Variants in MSI2 observed in about 807,000 individuals in gnomAD.
MSI2 encodes RNA-binding protein Musashi homolog 2.
A neutral mutation model predicts 45.6 loss-of-function variants in MSI2; 17 were observed. The ratio of observed to expected loss-of-function variants is 0.37; its 90% CI spans 0.26 to 0.56. MSI2 has a LOEUF of 0.56. Among genes scored for constraint, MSI2 ranks in the 20% least tolerant of loss-of-function variants. The pLI, the probability that MSI2 is intolerant of heterozygous loss-of-function variation, is 0.77. For missense variants in MSI2, 293 were observed against 444.2 expected, an observed-to-expected ratio of 0.66 and a Z score of 3.06; for synonymous variants, 156 against 158.2, an observed-to-expected ratio of 0.99 and a Z score of 0.11.
chr17:57,632,284 A>G (rs1264494761), intron 10 of MSI2: 1 of 1,078,448 alleles, frequency 9.3e-7, no homozygotes, highest in African/African-American at 1.6e-5. Context: ...GTGTCTTACG[A>G]TGGACAGTGA....
intron 7 of MSI2, among the ~76,000 whole-genome samples, chr17:57,545,110 G>C (rs2087133617): frequency 6.6e-6 from 1 of 152,098 alleles, no homozygotes; most frequent in African/African-American, 2.4e-5. Context: ...TTTAGAGAAA[G>C]GAAAGATTTT....
chr17:57,325,629 C>T (rs971960182), intron 5 of MSI2, among the ~76,000 whole-genome samples: 3 of 152,180 alleles, frequency 2.0e-5, no homozygotes, highest in Non-Finnish European at 4.4e-5. Context: ...CTCTTTTTTA[C>T]CCCCTTTGCT....
intron 9 of MSI2, among the ~76,000 whole-genome samples, chr17:57,619,440 C>T (rs1168160906): frequency 3.3e-5 from 5 of 152,228 alleles, no homozygotes; most frequent in Admixed American, 6.5e-5. Flanking sequence ...TTGGAGAGCA[C>T]GTCATGAGGA....
At chr17:57,359,766 T>G (rs1454115886) in intron 5 of MSI2, among the ~76,000 whole-genome samples, 5 of 152,232 alleles carry the variant, frequency 3.3e-5, no homozygotes, top group Non-Finnish European at 4.4e-5. Context: ...CACTACCATT[T>G]CCTTTATGGT....
intron 6 of MSI2, among the ~76,000 whole-genome samples, chr17:57,483,999 G>A (rs2085701664): frequency 6.6e-6 from 1 of 152,186 alleles, no homozygotes; most frequent in Admixed American, 6.5e-5. Context: ...GGGTGGGTTT[G>A]GAACCGAGAG....
chr17:57,343,848 G>T (rs905093414), intron 5 of MSI2, among the ~76,000 whole-genome samples: 5 of 152,126 alleles, frequency 3.3e-5, no homozygotes, highest in Non-Finnish European at 7.3e-5. Flanking sequence ...TTTCCCAATA[G>T]AACATTCTTG....
At chr17:57,517,132 G>A (rs1260732490) in intron 6 of MSI2, among the ~76,000 whole-genome samples, 5 of 152,182 alleles carry the variant, frequency 3.3e-5, no homozygotes, top group South Asian at 4.1e-4. Context: ...AAAAACAGTC[G>A]GTAGTTCAGA....
chr17:57,311,030 G>A (rs1912358143), intron 5 of MSI2, among the ~76,000 whole-genome samples: 1 of 152,210 alleles, frequency 6.6e-6, no homozygotes, highest in Admixed American at 6.5e-5. Context: ...AGGATCTGAT[G>A]GGTTTCTCTG....
chr17:57,566,655 A>T (rs1210194931), intron 7 of MSI2, among the ~76,000 whole-genome samples: 2 of 152,196 alleles, frequency 1.3e-5, no homozygotes, highest in Non-Finnish European at 2.9e-5. Flanking sequence ...ACGTGGTTTT[A>T]TTCACTCAGT....
chr17:57,641,587 A>G (rs950157937), intron 10 of MSI2, among the ~76,000 whole-genome samples: 4 of 152,216 alleles, frequency 2.6e-5, no homozygotes, highest in East Asian at 1.9e-4. Context: ...GGAAGGATCA[A>G]TGGTCAGAAC....
intron 5 of MSI2, among the ~76,000 whole-genome samples, chr17:57,263,076 AG>A (rs1293740295): frequency 6.6e-6 from 1 of 152,184 alleles, no homozygotes; most frequent in Non-Finnish European, 1.5e-5. Flanking sequence ...AAGTCGGAAA[AG>A]GTTGTGGCTT....
chr17:57,686,488 G>GA (rs1913885229), downstream of MSI2, among the ~76,000 whole-genome samples: 1 of 151,976 alleles, frequency 6.6e-6, no homozygotes, highest in Non-Finnish European at 1.5e-5. Flanking sequence ...GATGTGTTTA[G>GA]AAAAAACAAA....
chr17:57,660,866 G>T (rs979839435), intron 11 of MSI2, among the ~76,000 whole-genome samples: 1 of 152,210 alleles, frequency 6.6e-6, no homozygotes, highest in Admixed American at 6.5e-5. Context: ...CAGAATCAGA[G>T]CAGGGGACCC....
chr17:57,488,053 GGA>G (rs2085789546), intron 6 of MSI2, among the ~76,000 whole-genome samples: 1 of 152,064 alleles, frequency 6.6e-6, no homozygotes, highest in Non-Finnish European at 1.5e-5. Flanking sequence ...GAGATTAGAA[GGA>G]GAGAGCTGGA....
intron 5 of MSI2, among the ~76,000 whole-genome samples, chr17:57,385,420 C>A (rs1020187849): frequency 1.3e-5 from 2 of 152,180 alleles, no homozygotes; most frequent in African/African-American, 2.4e-5. Context: ...GCCCTTCTCT[C>A]TTGTCTTCCT....
chr17:57,678,216 T>G (rs769970147), intron 13 of MSI2, among the ~76,000 whole-genome samples: 1 of 152,208 alleles, frequency 6.6e-6, no homozygotes, highest in Non-Finnish European at 1.5e-5. Flanking sequence ...CTTGGATTTC[T>G]CTAATGTTGC....
chr17:57,533,917 G>A (rs1362457168), intron 7 of MSI2, among the ~76,000 whole-genome samples: 1 of 152,262 alleles, frequency 6.6e-6, no homozygotes, highest in Non-Finnish European at 1.5e-5. Flanking sequence ...CCACTGGGAA[G>A]GAGGTCCTTC....
At chr17:57,594,021 G>C (rs557789194) in intron 7 of MSI2, among the ~76,000 whole-genome samples, 2 of 152,356 alleles carry the variant, frequency 1.3e-5, no homozygotes, top group Non-Finnish European at 1.5e-5. Context: ...TCAGTCTTGA[G>C]GCAAAGCAGT....
intron 6 of MSI2, among the ~76,000 whole-genome samples, chr17:57,511,290 C>A (rs565290454): frequency 6.6e-6 from 1 of 152,144 alleles, no homozygotes; most frequent in Non-Finnish European, 1.5e-5. Context: ...CAAAGGAAGG[C>A]GCATTAATAA....
Sources: gnomAD v4.1 joint callset for allele counts (sites outside exome capture counted in the v4.1 genomes callset) on GRCh38, gnomAD v4.1.1 for gene constraint, MANE v1.5 for transcripts, NCBI Gene and HGNC (gene_info 2026-07-23, HGNC 2026-07-21) for gene names.